PDE9A: variants seen among roughly 807,000 people sequenced by gnomAD.
PDE9A encodes high affinity cGMP-specific 3',5'-cyclic phosphodiesterase 9A.
PDE9A carries 60 observed loss-of-function variants against 87.4 expected under a neutral mutation model. That is an observed-to-expected ratio of 0.69 (90% CI 0.56 to 0.85). The LOEUF (loss-of-function observed/expected upper bound fraction) is 0.85. Ranked by LOEUF, PDE9A falls within the 40% of genes least tolerant of loss-of-function variation. The pLI, the probability that PDE9A is intolerant of heterozygous loss-of-function variation, is 0.00. For missense variants in PDE9A, 665 were observed against 779.0 expected (o/e 0.85, Z 1.74); for synonymous variants, 272 against 279.4 (o/e 0.97, Z 0.27).
At chr21:42,683,253 C>T (rs2146124933) in intron 1 of PDE9A, among the ~76,000 whole-genome samples, 1 of 152,296 alleles carries the variant, frequency 6.6e-6, no homozygotes, top group African/African-American at 2.4e-5. Context: ...AGCCCACTGG[C>T]AGGGTCTGAA....
intron 10 of PDE9A, among the ~76,000 whole-genome samples, chr21:42,755,740 A>G (rs1487543300): frequency 6.6e-6 from 1 of 152,160 alleles, no homozygotes; most frequent in African/African-American, 2.4e-5. Flanking sequence ...GCAGACAGTT[A>G]GAGCACACTG....
At chr21:42,772,374 G>A in intron 18 of PDE9A, 65 bp from the exon 19 acceptor site, 3 of 1,061,732 alleles carry the variant, frequency 2.8e-6, no homozygotes, top group Non-Finnish European at 2.8e-6. Flanking sequence ...GCTGCTGGGA[G>A]AGAGGCAGAC....
intron 4 of PDE9A, among the ~76,000 whole-genome samples, chr21:42,710,773 C>A (rs147794395): frequency 8.5e-4 from 130 of 152,178 alleles, no homozygotes; most frequent in South Asian, 1.9e-3. Context: ...GGATTACCTG[C>A]GGTCAAGAGT....
Position 42,671,132 on chromosome 21 carries a change from AGAG to A in PDE9A, c.70-15056_70-15054del, listed in dbSNP as rs544401317. 4.5e-3 allele frequency among the ~76,000 whole-genome samples: 685 copies of A among 152,224 alleles called. 9 individuals carry two copies. The highest frequency in any genetic ancestry group is 0.016 in the African/African-American group (663 of 41,506). On this transcript the variant is annotated intron_variant, in intron 1 of 19. Transcript: ENST00000291539. ...TGCAGATGGACTAGCACGATACCTG[AGAG>A]GAGCTTTAGGATAACTCCGGTGCTG... is the stretch of plus-strand genomic sequence containing the variant.
At chr21:42,761,348 AG>A (rs1317132038) in intron 13 of PDE9A, among the ~76,000 whole-genome samples, 1 of 152,180 alleles carries the variant, frequency 6.6e-6, no homozygotes, top group South Asian at 2.1e-4. Flanking sequence ...AGAGCAGAAG[AG>A]GGGGAGAAGA....
chr21:42,732,300 T>G (rs1201171352), intron 6 of PDE9A, among the ~76,000 whole-genome samples, 176 bp downstream of exon 6: 1 of 152,216 alleles, frequency 6.6e-6, no homozygotes, highest in Non-Finnish European at 1.5e-5. Context: ...TAAGCCAGCT[T>G]GGATGGGGCC....
chr21:42,710,206 G>A (rs978738198), intron 4 of PDE9A, among the ~76,000 whole-genome samples: 2 of 152,038 alleles, frequency 1.3e-5, no homozygotes, highest in Non-Finnish European at 1.5e-5. Flanking sequence ...TCAGGAGTTC[G>A]AGACCAGCCT....
At position 42,722,776 on chromosome 21, in the gene PDE9A, C is replaced by T. The variant is rs1387930217; in HGVS notation, c.263-8994C>T. Among the ~76,000 whole-genome samples the T allele has an allele frequency of 2.6e-5, 4 of 152,206 alleles. No individual in the cohort carries two copies. Among genetic ancestry groups the T allele is most frequent in the African/African-American group, 4.8e-5 (2 of 41,444 alleles). Reference sequence around the variant, plus strand: ...TAGGCAAATCAGCTGGCTGGCCAATCAAATTAACTTATTGTTACACTAATT... The same window carrying T: ...TAGGCAAATCAGCTGGCTGGCCAATTAAATTAACTTATTGTTACACTAATT... On this transcript the variant is annotated intron_variant, in intron 4 of 19. Transcript: ENST00000291539. This position sits in a 1 kb window ranked among gnomAD's most constrained non-coding sequence, Gnocchi z 4.1.
chr21:42,703,512 G>T (rs1160068598), intron 4 of PDE9A, among the ~76,000 whole-genome samples: 1 of 152,230 alleles, frequency 6.6e-6, no homozygotes, highest in Admixed American at 6.5e-5. Context: ...GCAGGCCAGC[G>T]AAGACAGGCG....
intron 1 of PDE9A, among the ~76,000 whole-genome samples, chr21:42,684,904 G>C (rs559900377): frequency 7.3e-6 from 1 of 137,046 alleles, no homozygotes; most frequent in South Asian, 2.2e-4. Flanking sequence ...AGGAAATGGT[G>C]TTAGTCACAG....
chr21:42,775,231 C>A (rs186655472), intron 19 of PDE9A, 49 bp from the exon 20 acceptor site: 1 of 1,601,790 alleles, frequency 6.2e-7, no homozygotes, highest in Non-Finnish European at 8.5e-7. Flanking sequence ...TGAGCCACCG[C>A]GCCCTAATTC....
intron 1 of PDE9A, among the ~76,000 whole-genome samples, chr21:42,664,952 C>T (rs553526377): frequency 6.6e-6 from 1 of 152,208 alleles, no homozygotes; most frequent in Non-Finnish European, 1.5e-5. Context: ...GTGAATGTCC[C>T]GTTAGTTGGA....
chr21:42,692,728 C>T lies in PDE9A; in HGVS notation c.218+4734C>T, dbSNP rs182888846. On this transcript the variant is annotated intron_variant, in intron 3 of 19. Transcript: ENST00000291539. The surrounding 1 kb of genome is among the most constrained non-coding windows in gnomAD (Gnocchi z 4.3). ...CCCGCTTCCGTCCCTCTTCCCTCGC[C>T]GGCAGGTGACGTTACTGGCCTTTTC... Among the ~76,000 whole-genome samples the T allele has an allele frequency of 1.9e-4, 29 of 152,262 alleles. No individual in the cohort carries two copies. Among genetic ancestry groups the T allele is most frequent in the Non-Finnish European group, 3.5e-4 (24 of 68,020 alleles).
intron 8 of PDE9A, among the ~76,000 whole-genome samples, chr21:42,748,043 A>C (rs1027959840): frequency 6.6e-6 from 1 of 152,208 alleles, no homozygotes; most frequent in Non-Finnish European, 1.5e-5. Context: ...CTCTGCTCCC[A>C]GCTCTGGTAT....
At chr21:42,670,540 ACG>A (rs1198569340) in intron 1 of PDE9A, among the ~76,000 whole-genome samples, 22 of 151,822 alleles carry the variant, frequency 1.4e-4, no homozygotes, top group African/African-American at 3.9e-4. Context: ...ATTCACACTC[ACG>A]TACACTTACC....
At chr21:42,751,270 G>A (rs968677461) in intron 9 of PDE9A, 73 bp downstream of exon 9, 4 of 1,063,108 alleles carry the variant, frequency 3.8e-6, no homozygotes, top group East Asian at 2.4e-5. Context: ...GTGGCCCTGC[G>A]GCCAGACCCT....
chr21:42,677,532 G>A (rs1012305799), intron 1 of PDE9A, among the ~76,000 whole-genome samples: 19 of 152,310 alleles, frequency 1.2e-4, no homozygotes, highest in Admixed American at 2.6e-4. Flanking sequence ...AACTGTCCCC[G>A]CGACCCAGCC....
intron 9 of PDE9A, among the ~76,000 whole-genome samples, chr21:42,751,642 A>G (rs916620417): frequency 3.3e-5 from 5 of 152,140 alleles, no homozygotes; most frequent in Admixed American, 2.0e-4. Context: ...TTGGTGAAGT[A>G]GCAATGGCAT....
At chr21:42,758,116 C>G (rs1482102687) in intron 10 of PDE9A, 1 of 152,266 alleles carries the variant, frequency 6.6e-6, no homozygotes, top group Non-Finnish European at 1.5e-5. Context: ...TGCCCCTTTC[C>G]TACACATCTT....
Sources: gnomAD v4.1 joint callset for allele counts (sites outside exome capture counted in the v4.1 genomes callset) on GRCh38, gnomAD v4.1.1 for gene constraint, Gnocchi (gnomAD v3.1) non-coding constraint, MANE v1.5 for transcripts, NCBI Gene and HGNC (gene_info 2026-07-23, HGNC 2026-07-21) for gene names.